ARHGAP8: variants seen among roughly 807,000 people sequenced by gnomAD.
ARHGAP8 encodes Rho GTPase activating protein 8.
Under a neutral mutation model 46.1 loss-of-function variants are expected in ARHGAP8, and 62 were observed. The observed-to-expected ratio is 1.34, with a 90% CI of 1.10 to 1.66. ARHGAP8 has a LOEUF of 1.66. Ranked by LOEUF, ARHGAP8 falls within the 40% of genes most tolerant of loss-of-function variation. The pLI is 0.00. For synonymous variants in ARHGAP8, 375 were observed against 243.1 expected (o/e 1.54, Z -5.05); for missense variants, 923 against 568.4 (o/e 1.62, Z -6.34).
At position 44,827,180 on chromosome 22, in the gene ARHGAP8, C is replaced by G. The variant is rs62232216; in HGVS notation, c.596+1587C>G. Among the ~76,000 whole-genome samples the G allele has an allele frequency of 8.7e-3, 1,319 of 151,786 alleles. 6 individuals are homozygous for G. The highest frequency in any genetic ancestry group is 0.016 in the Admixed American group (236 of 15,220). ...AGCAGAAGCAGAGGCCGGAGGGGTG[C>G]GGGGCCAGAAGCCAAGGCACTCAGG... On this transcript the variant is annotated intron_variant, in intron 7 of 11. Transcript: ENST00000356099.
chr22:44,799,926 A>G (rs1418088845), intron 2 of ARHGAP8, among the ~76,000 whole-genome samples: 2 of 139,502 alleles, frequency 1.4e-5, no homozygotes, highest in East Asian at 4.8e-4. Context: ...CTGGGCAGAG[A>G]GAGGAGGAAA....
At chr22:44,804,387 A>G (rs1928789228) in intron 3 of ARHGAP8, among the ~76,000 whole-genome samples, 1 of 151,726 alleles carries the variant, frequency 6.6e-6, no homozygotes, top group Non-Finnish European at 1.5e-5. Context: ...TGTGTGAGTG[A>G]GAGGCCCCCA....
intron 9 of ARHGAP8, 57 bp from the exon 10 acceptor site, chr22:44,848,875 C>A: frequency 6.2e-7 from 1 of 1,605,386 alleles, no homozygotes. Context: ...GCTCGTTCTG[C>A]AGCGGCAGTG....
chr22:44,763,491 CAA>C (rs370437700), intron 1 of ARHGAP8, among the ~76,000 whole-genome samples: 1,641 of 78,444 alleles, frequency 0.021, 5 homozygotes, highest in South Asian at 0.059. Context: ...GACTCTGTCT[CAA>C]AAAAAAAAAA....
At chr22:44,761,211 C>A (rs1442729979) in intron 1 of ARHGAP8, among the ~76,000 whole-genome samples, 1 of 152,156 alleles carries the variant, frequency 6.6e-6, no homozygotes, top group African/African-American at 2.4e-5. Flanking sequence ...AAATAAGTGC[C>A]ATCAGCCCTC....
intron 2 of ARHGAP8, among the ~76,000 whole-genome samples, chr22:44,798,740 C>A (rs1207255848): frequency 1.3e-5 from 2 of 152,098 alleles, no homozygotes; most frequent in Non-Finnish European, 2.9e-5. Flanking sequence ...CTGCTGGACA[C>A]CTGAAATGTG....
intron 10 of ARHGAP8, among the ~76,000 whole-genome samples, chr22:44,858,511 A>G (rs1225276268): frequency 7.3e-6 from 1 of 137,832 alleles, no homozygotes; most frequent in Non-Finnish European, 1.5e-5. Context: ...CTGGGATTAC[A>G]GGTGTGTGCC....
chr22:44,775,661 G>T (rs1326710735), intron 1 of ARHGAP8, among the ~76,000 whole-genome samples: 1 of 152,044 alleles, frequency 6.6e-6, no homozygotes, highest in African/African-American at 2.4e-5. Context: ...TGTCGGCTGG[G>T]CTGGTCTCAA....
chr22:44,847,753 G>A (rs778743973), intron 8 of ARHGAP8, among the ~76,000 whole-genome samples: 7 of 152,232 alleles, frequency 4.6e-5, no homozygotes, highest in Non-Finnish European at 1.0e-4. Flanking sequence ...TAGAGCCTAG[G>A]TCTGTCTGAG....
intron 11 of ARHGAP8, among the ~76,000 whole-genome samples, chr22:44,861,425 G>A (rs2070477443): frequency 6.6e-6 from 1 of 152,192 alleles, no homozygotes; most frequent in African/African-American, 2.4e-5. Context: ...CCTGCAGTGG[G>A]CCTGGCTGGT....
intron 1 of ARHGAP8, among the ~76,000 whole-genome samples, chr22:44,772,803 C>A (rs1926131219): frequency 7.1e-6 from 1 of 141,014 alleles, no homozygotes. Context: ...TATTTTCTCT[C>A]TCCCACTTTT....
intron 6 of ARHGAP8, among the ~76,000 whole-genome samples, chr22:44,822,679 C>G (rs1048627713): frequency 2.0e-5 from 3 of 152,176 alleles, no homozygotes; most frequent in African/African-American, 7.2e-5. Flanking sequence ...GTATACAGGA[C>G]GGGATGTTTT....
intron 7 of ARHGAP8, among the ~76,000 whole-genome samples, chr22:44,834,257 T>A (rs1931142516): frequency 6.6e-6 from 1 of 152,186 alleles, no homozygotes; most frequent in African/African-American, 2.4e-5. Flanking sequence ...TCTTGCTTTT[T>A]GCAATGTAAG....
At chr22:44,827,336 G>GTT (rs796490147) in intron 7 of ARHGAP8, among the ~76,000 whole-genome samples, 3,516 of 67,030 alleles carry the variant, frequency 0.052, 1,038 homozygotes, top group Admixed American at 0.082. Context: ...TTGGGTGGTG[G>GTT]TTTTTTTTTT....
intron 2 of ARHGAP8, among the ~76,000 whole-genome samples, chr22:44,789,935 T>C (rs1927539408): frequency 6.6e-6 from 1 of 152,232 alleles, no homozygotes; most frequent in African/African-American, 2.4e-5. Context: ...CTTTTTCCTT[T>C]CAGTCTGTCT....
chr22:44,849,433 C>T, intron 10 of ARHGAP8: 1 of 266,956 alleles, frequency 3.7e-6, no homozygotes, highest in South Asian at 4.8e-5. Flanking sequence ...AGAAAGGGCT[C>T]TCGGCATTTC....
chr22:44,756,792 A>G (rs536133098), intron 1 of ARHGAP8, among the ~76,000 whole-genome samples: 4 of 152,078 alleles, frequency 2.6e-5, no homozygotes, highest in Non-Finnish European at 5.9e-5. Flanking sequence ...AATAGTACAC[A>G]TTTACAGTGA....
intron 5 of ARHGAP8, among the ~76,000 whole-genome samples, chr22:44,817,956 CAG>C (rs1385349074): frequency 2.0e-5 from 3 of 151,914 alleles, no homozygotes; most frequent in Non-Finnish European, 4.4e-5. Context: ...CTCTACAAAA[CAG>C]ATAAAAATCA....
intron 5 of ARHGAP8, among the ~76,000 whole-genome samples, chr22:44,816,348 C>G (rs1170616812): frequency 6.6e-6 from 1 of 152,158 alleles, no homozygotes; most frequent in African/African-American, 2.4e-5. Context: ...CTCGGCCCCC[C>G]AGGAGCATGG....
Sources: allele counts gnomAD v4.1 joint callset (sites outside exome capture counted in the v4.1 genomes callset), GRCh38; gene constraint gnomAD v4.1.1; transcripts MANE v1.5; gene names NCBI Gene and HGNC (gene_info 2026-07-23, HGNC 2026-07-21).